Variants in MEF2A observed in about 807,000 individuals in gnomAD.
MEF2A encodes myocyte-specific enhancer factor 2A.
A neutral mutation model predicts 55.8 loss-of-function variants in MEF2A; 28 were observed. That is an observed-to-expected ratio of 0.50 (90% confidence interval 0.37 to 0.69). The LOEUF is 0.69. Ranked by LOEUF, MEF2A falls within the 30% of genes least tolerant of loss-of-function variation. The probability of loss-of-function intolerance (pLI) is 0.00; values close to 1 mark genes in which losing one functional copy is unlikely to be tolerated. For missense variants in MEF2A, 528 were observed against 626.2 expected (o/e 0.84, Z 1.67); for synonymous variants, 239 against 227.1 (o/e 1.05, Z -0.47).
At position 99,697,120 on chromosome 15, in the gene MEF2A, T is replaced by C. The variant is rs536758277; in HGVS notation, c.859-6242T>C. Among the ~76,000 whole-genome samples the C allele has an allele frequency of 3.3e-5, 5 of 152,136 alleles. 1 individual carries two copies. Among genetic ancestry groups the C allele is most frequent in the African/African-American group, 1.2e-4 (5 of 41,536 alleles). ...TAATAAAGAGCATCTACAAAAAATA[T>C]ACAGCTAAAATACTTCATAAGGGGA... On this transcript the variant is annotated intron_variant, in intron 8 of 11. Coordinates refer to ENST00000557942, the MANE Select transcript of MEF2A (RefSeq NM_001319206.4).
chr15:99,634,059 G>T (rs1239014962), intron 3 of MEF2A, among the ~76,000 whole-genome samples: 2 of 152,212 alleles, frequency 1.3e-5, no homozygotes, highest in Admixed American at 1.3e-4. Context: ...GGAACTACTG[G>T]AGAGATGCTA....
chr15:99,691,164 A>T, intron 8 of MEF2A, among the ~76,000 whole-genome samples: 1 of 146,956 alleles, frequency 6.8e-6, no homozygotes. Flanking sequence ...AGAAGGAAGG[A>T]AGGAAGGAGA....
Position 99,699,970 on chromosome 15 carries a change from GTGTGTGTGTGTGTGTA to G in MEF2A, c.859-3390_859-3375del, listed in dbSNP as rs1380019374. ...AGTTTATATGTGTGTGTGTGTGTGT[GTGTGTGTGTGTGTGTA>G]TATATATATATATAATTTTTGTATT... On this transcript the variant is annotated intron_variant, in intron 8 of 11. Transcript: ENST00000557942. Among the ~76,000 whole-genome samples the G allele has an allele frequency of 9.4e-4, 92 of 98,280 alleles. 1 individual carries two copies. Among genetic ancestry groups the G allele is most frequent in the Non-Finnish European group, 1.5e-3 (61 of 41,772 alleles). The allele number at this position is 98,280 out of a possible 152,430, so 64.5% of individuals were successfully genotyped here. A position where few individuals can be genotyped will look rare whatever the true frequency, so the allele number is the denominator to read the frequency against.
chr15:99,636,105 T>C (rs1596652781), intron 3 of MEF2A, among the ~76,000 whole-genome samples: 1 of 152,174 alleles, frequency 6.6e-6, no homozygotes, highest in East Asian at 1.9e-4. Context: ...AGGTGAACAA[T>C]AGTAATTTAA....
intron 8 of MEF2A, among the ~76,000 whole-genome samples, chr15:99,695,678 G>A (rs2056355261): frequency 6.6e-6 from 1 of 151,922 alleles, no homozygotes; most frequent in African/African-American, 2.4e-5. Context: ...TGACCAACAT[G>A]GAGAAACCCT....
chr15:99,655,970 C>T (rs1205773594), intron 4 of MEF2A, among the ~76,000 whole-genome samples: 1 of 152,012 alleles, frequency 6.6e-6, no homozygotes, highest in African/African-American at 2.4e-5. Context: ...GCAAAGACTT[C>T]GCTAAGGAAC....
chr15:99,657,721 C>T (rs1039806270), intron 4 of MEF2A, among the ~76,000 whole-genome samples: 2 of 152,016 alleles, frequency 1.3e-5, no homozygotes, highest in East Asian at 1.9e-4. Flanking sequence ...CCCCCAAAAC[C>T]CTTTAAACTG....
intron 5 of MEF2A, chr15:99,671,717 C>G (rs1197217270): frequency 7.1e-7 from 1 of 1,415,554 alleles, no homozygotes; most frequent in Admixed American, 2.7e-5. Flanking sequence ...GACCAAACAT[C>G]TTGTTGCTTA....
intron 7 of MEF2A, among the ~76,000 whole-genome samples, chr15:99,677,774 C>G (rs1276900510): frequency 6.6e-6 from 1 of 151,858 alleles, no homozygotes; most frequent in East Asian, 1.9e-4. Context: ...AAATTTAAAC[C>G]TTTATGAACA....
chr15:99,629,794 G>A (rs2042648709), intron 2 of MEF2A, among the ~76,000 whole-genome samples: 1 of 152,120 alleles, frequency 6.6e-6, no homozygotes. Context: ...CAAAAAATTA[G>A]CCGGGCGTGG....
At chr15:99,630,769 G>C (rs538442787) in intron 2 of MEF2A, among the ~76,000 whole-genome samples, 2 of 152,306 alleles carry the variant, frequency 1.3e-5, no homozygotes, top group South Asian at 2.1e-4. Context: ...CTCTTCCTGC[G>C]TGGGCTAGTC....
rs3138597 is a variant in MEF2A, at chr15:99,712,504, C to CCAG, written c.1283_1285dup (p.Gln428dup). The CCAG allele has an allele frequency of 3.0e-3, 4,601 of 1,531,356 alleles. 5 individuals are homozygous for CCAG. The highest frequency in any genetic ancestry group is 9.0e-3 in the African/African-American group (649 of 72,168). 94.9% of individuals were successfully genotyped at this position (1,531,356 alleles called of 1,614,324 possible). On this transcript the variant is annotated inframe_insertion, in exon 12 of 12. Coordinates refer to ENST00000557942, the MANE Select transcript of MEF2A (RefSeq NM_001319206.4). The surrounding 1 kb of genome is among the most constrained non-coding windows in gnomAD (Gnocchi z 4.1). ...GGGATCGTATGACCCCATCGGGCTT[C>CCAG]CAGCAGCAGCAGCAGCAGCAGCAGC...
intron 9 of MEF2A, among the ~76,000 whole-genome samples, chr15:99,705,529 G>A (rs1273509264): frequency 6.6e-6 from 1 of 152,178 alleles, no homozygotes; most frequent in Non-Finnish European, 1.5e-5. Context: ...AGGAAATGGT[G>A]AATCTGGGAC....
rs538824557 is a variant in MEF2A, at chr15:99,674,458, G to A, written c.456G>A (p.Leu152=). The stretch of plus-strand genomic sequence containing the variant: ...TTCCAGTGACCAGCCCCAATGCTTT[G>A]TCCTACACTAACCCAGGGAGTTCAC... ...VTVPVTSPNA[L]SYTNPGSSLV... is the part of the protein sequence containing the mutation. Residue 152 remains leucine (L), a synonymous_variant, in exon 6 of 12, where the codon TTG becomes TTA. Transcript: ENST00000557942. 4.3e-6 allele frequency: 7 copies of A among 1,613,838 alleles called. No individual in the cohort carries two copies. In the African/African-American group the frequency reaches 8.0e-5, roughly 18 times the overall value.
intron 8 of MEF2A, among the ~76,000 whole-genome samples, chr15:99,701,395 TCATGC>T (rs1420315451): frequency 6.6e-6 from 1 of 152,074 alleles, no homozygotes; most frequent in Non-Finnish European, 1.5e-5. Flanking sequence ...GTTGTCAAGG[TCATGC>T]AAAACAAGTT....
chr15:99,619,105 G>A lies in MEF2A; in HGVS notation c.-142-13873G>A, dbSNP rs111959137. On this transcript the variant is annotated intron_variant, in intron 2 of 11. Coordinates refer to ENST00000557942, the MANE Select transcript of MEF2A (RefSeq NM_001319206.4). ...AGGGAAAGAACCAGGCTGTGAGAGC[G>A]GTGGTGGATTTCTTTATGTCTCTAG... is the stretch of plus-strand genomic sequence containing the variant. Among the ~76,000 whole-genome samples, 23 of 152,316 alleles carry A rather than the reference G, an allele frequency of 1.5e-4. 1 individual carries two copies. The highest frequency in any genetic ancestry group is 5.5e-4 in the African/African-American group (23 of 41,568).
rs1165776215 is a variant in MEF2A at position 99,674,429 on chromosome 15, A to G, written c.427A>G (p.Thr143Ala). 11 of 1,613,056 alleles carry G rather than the reference A, an allele frequency of 6.8e-6. No homozygotes were observed. Among genetic ancestry groups the G allele is most frequent in the Non-Finnish European group, 9.3e-6 (11 of 1,179,278 alleles). Residue 143 changes from threonine to alanine, a missense_variant, in exon 6 of 12, where the codon ACA (threonine) becomes GCA (alanine). Around this residue, in one of 2 missense-constraint regions of MEF2A, gnomAD observed 450 missense variants for 475.3 expected, o/e 0.95. Coordinates refer to ENST00000557942, the MANE Select transcript of MEF2A (RefSeq NM_001319206.4). Reference protein sequence around the residue: ...LPPQNFSMSVTVPVTSPNALS... With the variant: ...LPPQNFSMSVAVPVTSPNALS... ...ACCTCAGAACTTTTCAATGTCTGTC[A>G]CAGTTCCAGTGACCAGCCCCAATGC...
chr15:99,663,079 A>T lies in MEF2A; in HGVS notation c.259-8244A>T, dbSNP rs191886844. Among the ~76,000 whole-genome samples, 88 of 150,058 alleles carry T rather than the reference A, an allele frequency of 5.9e-4. No individual in the cohort carries two copies. In the East Asian group the frequency reaches 0.015, roughly 26 times the overall value. ...CAATAATAAAGTTGAGCGTATGTTA[A>T]TTTTTTTTTTCAGTTCTTGGTAGGC... On this transcript the variant is annotated intron_variant, in intron 4 of 11. Transcript: ENST00000557942.
chr15:99,637,757 C>T (rs996678726), intron 3 of MEF2A, among the ~76,000 whole-genome samples: 2 of 152,188 alleles, frequency 1.3e-5, no homozygotes, highest in African/African-American at 4.8e-5. Context: ...ATTCTTCTGC[C>T]TCAGCCTCCT....
Sources: allele counts gnomAD v4.1 joint callset (sites outside exome capture counted in the v4.1 genomes callset), GRCh38; gene constraint gnomAD v4.1.1; regional missense constraint gnomAD v4.1.1; non-coding constraint Gnocchi (gnomAD v3.1); transcripts MANE v1.5; gene names NCBI Gene and HGNC (gene_info 2026-07-23, HGNC 2026-07-21).